SMARCAL1: variants seen among roughly 807,000 people sequenced by gnomAD.
SMARCAL1 encodes ATP-driven annealing helicase.
SMARCAL1 carries 58 observed loss-of-function variants against 94.5 expected under a neutral mutation model. The observed-to-expected ratio is 0.61, with a 90% CI of 0.50 to 0.76. The LOEUF is 0.76. Ranked by LOEUF, SMARCAL1 falls within the 30% of genes least tolerant of loss-of-function variation. SMARCAL1 has a pLI of 0.00. For missense variants in SMARCAL1, 1,051 were observed against 1,177.9 expected, an observed-to-expected ratio of 0.89 and a Z score of 1.58; for synonymous variants, 422 against 455.1, an observed-to-expected ratio of 0.93 and a Z score of 0.93.
At chr2:216,479,133 G>A (rs1428981266) in intron 17 of SMARCAL1, 2 of 152,484 alleles carry the variant, frequency 1.3e-5, no homozygotes, top group African/African-American at 4.8e-5. Context: ...AAAACCAGGA[G>A]TATGCCCTCC....
rs1559140332 is a variant in SMARCAL1, at chr2:216,482,880, G to A, written c.2768G>A (p.Gly923Glu). The change falls in exon 18 of 18, where the codon GGA (glycine) becomes GAA (glutamate). Residue 923 changes from glycine to glutamate, a missense_variant. Physicochemically the swap from Gly to Glu is moderately conservative, Grantham distance 98. Coordinates refer to ENST00000357276, the MANE Select transcript of SMARCAL1 (RefSeq NM_014140.4). This position sits in a 1 kb window ranked among gnomAD's most constrained non-coding sequence, Gnocchi z 4.3. ...GTSGSSSQNMGDTLDESSLTA... is the reference protein window; with the variant it reads ...GTSGSSSQNMEDTLDESSLTA... Reference sequence around the variant, plus strand: ...TCTGGAAGTAGTTCCCAGAACATGGGAGACACCCTGGATGAAAGCTCATTG... The same window carrying A: ...TCTGGAAGTAGTTCCCAGAACATGGAAGACACCCTGGATGAAAGCTCATTG... 1 of 1,614,170 alleles carries A rather than the reference G, an allele frequency of 6.2e-7. No homozygotes were observed. The highest frequency in any genetic ancestry group is 1.7e-5 in the Admixed American group (1 of 60,018).
At chr2:216,428,496 A>T in intron 6 of SMARCAL1, 100 bp from the exon 7 acceptor site, 1 of 1,171,446 alleles carries the variant, frequency 8.5e-7, no homozygotes, top group Non-Finnish European at 1.3e-6. Context: ...ACCTAGGACC[A>T]GCATCACTGG....
intron 14 of SMARCAL1, among the ~76,000 whole-genome samples, chr2:216,474,182 C>CA (rs1695022361): frequency 7.4e-6 from 1 of 134,370 alleles, no homozygotes; most frequent in African/African-American, 2.8e-5. Flanking sequence ...CTCTGTCACC[C>CA]AGGCAGGAGT....
At chr2:216,421,146 G>A (rs190288627) in intron 5 of SMARCAL1, among the ~76,000 whole-genome samples, 4 of 152,256 alleles carry the variant, frequency 2.6e-5, no homozygotes, top group Non-Finnish European at 5.9e-5. Flanking sequence ...CCGATGCCTG[G>A]TTCTTACCCA....
At chr2:216,479,950 A>T (rs1016056336) in intron 17 of SMARCAL1, among the ~76,000 whole-genome samples, 11 of 152,074 alleles carry the variant, frequency 7.2e-5, no homozygotes, top group African/African-American at 2.7e-4. Context: ...TACTCAGGAG[A>T]CTGAGGCAGG....
rs1384475600 is a variant in SMARCAL1, at chr2:216,415,287, G to T, written c.583G>T (p.Ala195Ser). 1 of 1,614,242 alleles carries T rather than the reference G, an allele frequency of 6.2e-7. No individual in the cohort carries two copies. Among genetic ancestry groups the T allele is most frequent in the Non-Finnish European group, 8.5e-7 (1 of 1,180,040 alleles). ...PRDAKLEAKT[A>S]KASPSGQNIS... The stretch of plus-strand genomic sequence containing the variant: ...GGATGCTAAGTTAGAGGCCAAGACA[G>T]CAAAAGCCTCCCCTTCGGGGCAGAA... Residue 195 changes from alanine (A) to serine (S), a missense_variant, in exon 3 of 18, where the codon GCA (alanine) becomes TCA (serine). By Grantham distance (99) the Ala-to-Ser change is moderately conservative. Transcript: ENST00000357276.
At chr2:216,448,924 T>A (rs1201439629) in intron 11 of SMARCAL1, among the ~76,000 whole-genome samples, 6 of 152,202 alleles carry the variant, frequency 3.9e-5, no homozygotes, top group Non-Finnish European at 7.4e-5. Flanking sequence ...TATTAGAACA[T>A]AGGAGCATGC....
chr2:216,460,678 G>T (rs1224357969), intron 12 of SMARCAL1, among the ~76,000 whole-genome samples: 2 of 120,886 alleles, frequency 1.7e-5, no homozygotes, highest in African/African-American at 3.2e-5. Flanking sequence ...ACACACCAGG[G>T]CCTGTTGTGG....
Position 216,425,143 on chromosome 2 carries a change from C to T in SMARCAL1, c.1147+1460C>T, listed in dbSNP as rs572476804. Among the ~76,000 whole-genome samples, 39 of 152,336 alleles carry T rather than the reference C, an allele frequency of 2.6e-4. No individual in the cohort carries two copies. In the South Asian group the frequency reaches 3.3e-3, roughly 13 times the overall value. ...GACCTGGCAGGCTGCGCTCGGCTCA[C>T]GCTACCAGTCCAGATTCCACACCCA... On this transcript the variant is annotated intron_variant, in intron 6 of 17. Coordinates refer to ENST00000357276, the MANE Select transcript of SMARCAL1 (RefSeq NM_014140.4).
At chr2:216,469,732 G>T (rs1694921571) in intron 14 of SMARCAL1, among the ~76,000 whole-genome samples, 1 of 152,124 alleles carries the variant, frequency 6.6e-6, no homozygotes. Context: ...GCTTTGTGTA[G>T]GGGAGGCATA....
chr2:216,432,549 TC>T (rs1693987766), intron 7 of SMARCAL1, among the ~76,000 whole-genome samples, 168 bp from the exon 8 acceptor site: 1 of 152,180 alleles, frequency 6.6e-6, no homozygotes, highest in African/African-American at 2.4e-5. Flanking sequence ...TTTATTCTGC[TC>T]CCTATTTGGC....
intron 12 of SMARCAL1, among the ~76,000 whole-genome samples, chr2:216,452,614 A>G (rs985518032): frequency 2.0e-5 from 3 of 152,224 alleles, no homozygotes; most frequent in Non-Finnish European, 4.4e-5. Flanking sequence ...CAGTTTGAGA[A>G]CAGCCAAGGT....
chr2:216,476,284 A>G (rs1278883803), intron 15 of SMARCAL1, among the ~76,000 whole-genome samples: 1 of 151,794 alleles, frequency 6.6e-6, no homozygotes, highest in Admixed American at 6.6e-5. Context: ...GCCATTTTAT[A>G]CAAGAAATAA....
chr2:216,434,973 C>T (rs1020742920), intron 8 of SMARCAL1, among the ~76,000 whole-genome samples: 11 of 151,564 alleles, frequency 7.3e-5, no homozygotes, highest in African/African-American at 2.4e-4. Context: ...ATTCTCCTGC[C>T]TCAGCCTTCC....
chr2:216,469,404 C>T (rs1694911048), intron 14 of SMARCAL1, among the ~76,000 whole-genome samples: 1 of 151,640 alleles, frequency 6.6e-6, no homozygotes, highest in African/African-American at 2.4e-5. Context: ...GTCTCAGCCT[C>T]CCGAGAAGCT....
chr2:216,466,866 G>A (rs1335563651), intron 13 of SMARCAL1, among the ~76,000 whole-genome samples: 2 of 152,166 alleles, frequency 1.3e-5, no homozygotes, highest in Non-Finnish European at 1.5e-5. Flanking sequence ...TGGTGCCCTG[G>A]TCAGTCATAG....
chr2:216,431,645 G>T (rs1250301330), intron 7 of SMARCAL1, among the ~76,000 whole-genome samples: 1 of 152,206 alleles, frequency 6.6e-6, no homozygotes, highest in African/African-American at 2.4e-5. Context: ...TTACTGCTGA[G>T]GGGGCTGAGG....
chr2:216,467,522 CT>C (rs1694854647), intron 13 of SMARCAL1, among the ~76,000 whole-genome samples: 1 of 148,814 alleles, frequency 6.7e-6, no homozygotes, highest in African/African-American at 2.5e-5. Context: ...AACACAGTGG[CT>C]GGAAGAGAGA....
rs931304350 is a variant in SMARCAL1, at chr2:216,479,967, C to T, written c.2625+1668C>T. Among the ~76,000 whole-genome samples the T allele has an allele frequency of 2.1e-4, 32 of 152,120 alleles. 1 individual carries two copies. The highest frequency in any genetic ancestry group is 1.3e-4 in the Non-Finnish European group (9 of 68,004). On this transcript the variant is annotated intron_variant, in intron 17 of 17. Coordinates refer to ENST00000357276, the MANE Select transcript of SMARCAL1 (RefSeq NM_014140.4). ...CTCAGGAGACTGAGGCAGGAGGATT[C>T]CCTGAACCTGGGAGGCAGAGGTTGC...
Sources: allele counts gnomAD v4.1 joint callset (sites outside exome capture counted in the v4.1 genomes callset), GRCh38; gene constraint gnomAD v4.1.1; non-coding constraint Gnocchi (gnomAD v3.1); transcripts MANE v1.5; gene names NCBI Gene and HGNC (gene_info 2026-07-23, HGNC 2026-07-21).